Variants in TRAF2 observed in about 807,000 individuals in gnomAD.
The protein encoded by TRAF2 is TNF receptor associated factor 2.
TRAF2 carries 6 observed loss-of-function variants against 55.6 expected under a neutral mutation model. That is an observed-to-expected ratio of 0.11 (90% confidence interval 0.06 to 0.21). TRAF2 has a LOEUF of 0.21. Ranked by LOEUF, TRAF2 falls within the 10% of genes least tolerant of loss-of-function variation. TRAF2 has a pLI of 1.00. For synonymous variants in TRAF2, 329 were observed against 276.3 expected, an observed-to-expected ratio of 1.19 and a Z score of -1.89; for missense variants, 561 against 684.5, an observed-to-expected ratio of 0.82 and a Z score of 2.01.
At chr9:136,924,329 G>A (rs1445480439) in intron 10 of TRAF2, among the ~76,000 whole-genome samples, 1 of 152,174 alleles carries the variant, frequency 6.6e-6, no homozygotes, top group Non-Finnish European at 1.5e-5. Flanking sequence ...GGAGGCTGAG[G>A]TGGGAGGATT....
At chr9:136,925,304 GC>G (rs17250876) in intron 10 of TRAF2, among the ~76,000 whole-genome samples, 2,722 of 152,346 alleles carry the variant, frequency 0.018, 42 homozygotes, top group Non-Finnish European at 0.028. Context: ...TCACGAGTGG[GC>G]AGTGGGTGCT....
In TRAF2 at chr9:136,897,247, C is replaced by T. The variant is rs141169812; in HGVS notation, c.-28-1466C>T. 4.9e-3 allele frequency among the ~76,000 whole-genome samples: 745 copies of T among 152,300 alleles called. 7 individuals are homozygous for T. Among genetic ancestry groups the T allele is most frequent in the African/African-American group, 0.017 (713 of 41,570 alleles). The stretch of plus-strand genomic sequence containing the variant: ...ATTGGCTGGATGATGCTCAGAGAAG[C>T]AGGAAGAGTGGGCATGGCACTGAGT... On this transcript the variant is annotated intron_variant, in intron 1 of 10. Transcript: ENST00000247668.
intron 4 of TRAF2, among the ~76,000 whole-genome samples, chr9:136,905,264 C>G (rs978862878): frequency 4.6e-5 from 7 of 152,238 alleles, no homozygotes; most frequent in Non-Finnish European, 1.0e-4. Flanking sequence ...TTGTCCTCCT[C>G]TCTCCGGGTT....
Position 136,925,902 on chromosome 9 carries a change from C to T in TRAF2, c.*1C>T, listed in dbSNP as rs373269558. 11 of 1,613,926 alleles carry T rather than the reference C, an allele frequency of 6.8e-6. No homozygotes were observed. Among genetic ancestry groups the T allele is most frequent in the Non-Finnish European group, 9.3e-6 (11 of 1,180,028 alleles). ...CATTGTGGACCTGACAGGGCTCTAA[C>T]TGCCCCCTACTGGTGTCTGGGGGTT... On this transcript the variant is annotated 3_prime_UTR_variant, in exon 11 of 11. Transcript: ENST00000247668.
chr9:136,905,024 G>C (rs1564411405), intron 4 of TRAF2, among the ~76,000 whole-genome samples: 2 of 152,220 alleles, frequency 1.3e-5, no homozygotes, highest in Non-Finnish European at 2.9e-5. Context: ...AGGTTTGGGA[G>C]GAACACTCCC....
rs17244061 is a variant in TRAF2 at position 136,910,377 on chromosome 9, C to T, written c.603+383C>T. Among the ~76,000 whole-genome samples the T allele has an allele frequency of 2.9e-3, 442 of 152,286 alleles. 4 individuals are homozygous for T. Among genetic ancestry groups the T allele is most frequent in the African/African-American group, 0.01 (418 of 41,552 alleles). ...GCAAGCGGTTGGGGTGGAGACTGGG[C>T]GCCCTAGTCTGGTCTGCTGCCACAG... On this transcript the variant is annotated intron_variant, in intron 6 of 10. Transcript: ENST00000247668.
At chr9:136,890,592 G>T (rs2131275546) in intron 1 of TRAF2, 1 of 152,316 alleles carries the variant, frequency 6.6e-6, no homozygotes, top group East Asian at 1.9e-4. Flanking sequence ...GCGCAAATTG[G>T]GGCACTGTCA....
intron 1 of TRAF2, among the ~76,000 whole-genome samples, chr9:136,897,868 C>T (rs971603819): frequency 7.4e-6 from 1 of 136,016 alleles, no homozygotes; most frequent in African/African-American, 2.8e-5. Context: ...CTCAGGTGTG[C>T]TACGTTCCCG....
intron 4 of TRAF2, among the ~76,000 whole-genome samples, chr9:136,904,754 C>T (rs921551583): frequency 2.0e-5 from 3 of 152,256 alleles, no homozygotes; most frequent in Non-Finnish European, 2.9e-5. Context: ...ACTATTTGTG[C>T]TTTCGTTTTT....
chr9:136,915,191 T>G (rs1038464672), intron 6 of TRAF2, among the ~76,000 whole-genome samples: 1 of 152,156 alleles, frequency 6.6e-6, no homozygotes, highest in African/African-American at 2.4e-5. Flanking sequence ...AAAAAAAGTT[T>G]TGTAATTTTG....
chr9:136,903,502 A>C (rs1849869789), intron 4 of TRAF2, among the ~76,000 whole-genome samples: 1 of 151,558 alleles, frequency 6.6e-6, no homozygotes, highest in Non-Finnish European at 1.5e-5. Flanking sequence ...TTTGCGTCAA[A>C]TGTGTAGTTT....
At chr9:136,890,798 C>T (rs1849566327) in intron 1 of TRAF2, among the ~76,000 whole-genome samples, 1 of 152,220 alleles carries the variant, frequency 6.6e-6, no homozygotes, top group Admixed American at 6.5e-5. Context: ...TCCTGGCTGT[C>T]TGGGGTTGTG....
rs1043853831 is a variant in TRAF2, at chr9:136,920,386, G to A, written c.831G>A (p.Lys277=). The A allele has an allele frequency of 2.5e-6, 4 of 1,614,058 alleles. No individual in the cohort carries two copies. The highest frequency in any genetic ancestry group is 3.4e-6 in the Non-Finnish European group (4 of 1,180,042). Residue 277 remains lysine, a synonymous_variant, in exon 8 of 11, where the codon AAG becomes AAA. Coordinates refer to ENST00000247668, the MANE Select transcript of TRAF2 (RefSeq NM_021138.4). ...TGCAGAGGTGCGAGAGCCTGGAGAAGAAGACGGCCACTTTTGAGAACATTG... is the reference window on the plus strand; with the variant it reads ...TGCAGAGGTGCGAGAGCCTGGAGAAAAAGACGGCCACTTTTGAGAACATTG... ...ELLQRCESLE[K]KTATFENIVC... is the part of the protein sequence containing the mutation.
At chr9:136,886,617 G>A in intron 1 of TRAF2, 76 bp downstream of exon 1, 1 of 967,700 alleles carries the variant, frequency 1.0e-6, no homozygotes, top group Non-Finnish European at 1.2e-6. Flanking sequence ...GCGGGGTCGG[G>A]CGCAGGCGCG....
intron 7 of TRAF2, 75 bp from the exon 8 acceptor site, chr9:136,920,159 A>G: frequency 6.7e-7 from 1 of 1,490,270 alleles, no homozygotes; most frequent in Non-Finnish European, 8.9e-7. Context: ...GCTGAGGCCC[A>G]CGTCTTGGTG....
intron 3 of TRAF2, 36 bp downstream of exon 3, chr9:136,899,708 A>G (rs776697616): frequency 3.8e-6 from 6 of 1,593,640 alleles, no homozygotes; most frequent in South Asian, 2.2e-5. Flanking sequence ...AATGTTGAAC[A>G]GAAAATGTCT....
intron 4 of TRAF2, among the ~76,000 whole-genome samples, chr9:136,907,728 G>A (rs1336335331): frequency 6.6e-6 from 1 of 152,198 alleles, no homozygotes; most frequent in African/African-American, 2.4e-5. Flanking sequence ...TGGTGTGTGT[G>A]GCAGGGACCC....
At chr9:136,899,735 A>C in intron 3 of TRAF2, 63 bp downstream of exon 3, 1 of 1,519,792 alleles carries the variant, frequency 6.6e-7, no homozygotes, top group Non-Finnish European at 9.0e-7. Flanking sequence ...CCTTTACAAC[A>C]TGGGTGGGGC....
chr9:136,886,482 G>A (rs1329025933), upstream of TRAF2: 8 of 1,004,074 alleles, frequency 8.0e-6, no homozygotes, highest in African/African-American at 5.2e-5. Flanking sequence ...CGGCGGCGGC[G>A]GCGGCGTTGG....
Sources: gnomAD v4.1 joint callset for allele counts (sites outside exome capture counted in the v4.1 genomes callset) on GRCh38, gnomAD v4.1.1 for gene constraint, MANE v1.5 for transcripts, NCBI Gene and HGNC (gene_info 2026-07-23, HGNC 2026-07-21) for gene names.